LOC400499: variants seen among roughly 807,000 people sequenced by gnomAD.
chr16:11,522,752 T>A, the LOC400499 span, among the ~76,000 whole-genome samples: 2 of 152,196 alleles, frequency 1.3e-5, no homozygotes, highest in Admixed American at 1.3e-4. Flanking sequence ...TTGATGGATA[T>A]CAAGTGGGGC....
chr16:11,485,554 C>T, the LOC400499 span, among the ~76,000 whole-genome samples: 1 of 152,146 alleles, frequency 6.6e-6, no homozygotes, highest in African/African-American at 2.4e-5. Flanking sequence ...TCCCGTCTTC[C>T]ATCTGCCCGT....
At chr16:11,396,038 G>A in the LOC400499 span, among the ~76,000 whole-genome samples, 37,480 of 152,116 alleles carry the variant, frequency 0.25, 5,011 homozygotes, top group African/African-American at 0.34. Flanking sequence ...GATGGTACCA[G>A]TAATGGCTAA....
chr16:11,385,022 G>T, the LOC400499 span: 2 of 1,232,256 alleles, frequency 1.6e-6, no homozygotes, highest in Non-Finnish European at 2.0e-6. Context: ...CTTGAGGTCC[G>T]GACAACTGTC....
chr16:11,478,393 T>A, the LOC400499 span: 1 of 397,498 alleles, frequency 2.5e-6, no homozygotes, highest in Non-Finnish European at 4.4e-6. Flanking sequence ...CCGTGGTAAG[T>A]GAATCAACAG....
the LOC400499 span, among the ~76,000 whole-genome samples, chr16:11,522,829 C>A: frequency 9.1e-4 from 138 of 152,246 alleles, no homozygotes; most frequent in African/African-American, 3.2e-3. Flanking sequence ...GCTGCCCAGC[C>A]TTGGGGGATC....
At chr16:11,516,400 A>G in the LOC400499 span, 1 of 397,980 alleles carries the variant, frequency 2.5e-6, no homozygotes, top group Non-Finnish European at 4.4e-6. Flanking sequence ...GCCTTCCTAC[A>G]GGCCAGCCCC....
chr16:11,372,583 G>C, the LOC400499 span: 4 of 216,980 alleles, frequency 1.8e-5, no homozygotes, highest in African/African-American at 9.4e-5. Context: ...GCTTCCGTGC[G>C]TTTGCAGCAC....
the LOC400499 span, chr16:11,514,331 G>A: frequency 7.5e-6 from 3 of 399,112 alleles, no homozygotes; most frequent in Admixed American, 1.3e-4. Context: ...ACGGCCAGGG[G>A]GTGGCCACCA....
At chr16:11,523,626 G>C in the LOC400499 span, 1 of 393,822 alleles carries the variant, frequency 2.5e-6, no homozygotes, top group Non-Finnish European at 4.5e-6. Flanking sequence ...AGGGGAGGGA[G>C]GGCCACAAAG....
chr16:11,510,342 T>A, the LOC400499 span, among the ~76,000 whole-genome samples: 1 of 151,770 alleles, frequency 6.6e-6, no homozygotes, highest in Non-Finnish European at 1.5e-5. Context: ...CTCAGACCTC[T>A]CCTTAGCCCC....
the LOC400499 span, among the ~76,000 whole-genome samples, chr16:11,498,928 G>T: frequency 6.7e-6 from 1 of 149,798 alleles, no homozygotes; most frequent in African/African-American, 2.5e-5. Context: ...GGAAAGTAAA[G>T]TACCTTGCCC....
chr16:11,508,928 T>C, the LOC400499 span: 1 of 397,694 alleles, frequency 2.5e-6, no homozygotes, highest in Non-Finnish European at 4.4e-6. Context: ...CCTCTGGGAG[T>C]CGCCCCCACC....
chr16:11,420,027 T>A, the LOC400499 span, among the ~76,000 whole-genome samples: 1 of 150,020 alleles, frequency 6.7e-6, no homozygotes, highest in Admixed American at 6.6e-5. Context: ...ATTGTGGAAG[T>A]CAGTGTGGCG....
the LOC400499 span, among the ~76,000 whole-genome samples, chr16:11,490,994 G>A: frequency 6.6e-6 from 1 of 152,182 alleles, no homozygotes; most frequent in African/African-American, 2.4e-5. Flanking sequence ...AAAAGCAACA[G>A]TCACACATAT....
chr16:11,504,688 C>T, the LOC400499 span, among the ~76,000 whole-genome samples: 3 of 151,990 alleles, frequency 2.0e-5, no homozygotes, highest in African/African-American at 7.3e-5. Context: ...TTTGGGAGGT[C>T]GAGGCAGGCA....
the LOC400499 span, among the ~76,000 whole-genome samples, chr16:11,377,809 AGAGT>A: frequency 6.6e-6 from 1 of 152,250 alleles, no homozygotes; most frequent in African/African-American, 2.4e-5. Flanking sequence ...CTGGCCTCAC[AGAGT>A]GAGTTTGGAG....
chr16:11,372,911 G>A, the LOC400499 span, among the ~76,000 whole-genome samples: 1 of 152,194 alleles, frequency 6.6e-6, no homozygotes, highest in East Asian at 1.9e-4. Flanking sequence ...AGCGGGCATG[G>A]GTCAATGAGT....
chr16:11,449,660 G>A, the LOC400499 span, among the ~76,000 whole-genome samples: 2 of 152,208 alleles, frequency 1.3e-5, no homozygotes, highest in East Asian at 1.9e-4. Context: ...GGGTTTGGGC[G>A]TGGCTGAGCC....
At chr16:11,492,437 G>C in the LOC400499 span, among the ~76,000 whole-genome samples, 1 of 151,982 alleles carries the variant, frequency 6.6e-6, no homozygotes, top group Non-Finnish European at 1.5e-5. Flanking sequence ...ACCTGAAGCT[G>C]GTATCCTAGT....
Sources: allele counts gnomAD v4.1 joint callset (sites outside exome capture counted in the v4.1 genomes callset), GRCh38; gene constraint gnomAD v4.1.1; transcripts MANE v1.5.